Variants in RNGTT observed in about 807,000 individuals in gnomAD.
RNGTT encodes RNA guanylyltransferase and 5'-phosphatase, also known as mRNA-capping enzyme.
RNGTT carries 33 observed loss-of-function variants against 79.3 expected under a neutral mutation model. The ratio of observed to expected loss-of-function variants is 0.42; its 90% CI spans 0.32 to 0.56. The LOEUF (loss-of-function observed/expected upper bound fraction) is 0.56, where lower values mean the gene tolerates loss of function less well. Ranked by LOEUF, RNGTT falls within the 20% of genes least tolerant of loss-of-function variation. The probability of loss-of-function intolerance (pLI) is 0.17; values close to 1 mark genes in which losing one functional copy is unlikely to be tolerated. For missense variants in RNGTT, 497 were observed against 739.1 expected (o/e 0.67, Z 3.80); for synonymous variants, 222 against 235.9 (o/e 0.94, Z 0.54).
At chr6:88,839,774 A>T (rs890456463) in intron 11 of RNGTT, among the ~76,000 whole-genome samples, 7 of 152,314 alleles carry the variant, frequency 4.6e-5, no homozygotes, top group Non-Finnish European at 1.0e-4. Flanking sequence ...TAGTCTGTTC[A>T]AATAATTCTT....
At chr6:88,850,326 T>C (rs1226854584) in intron 9 of RNGTT, among the ~76,000 whole-genome samples, 1 of 151,940 alleles carries the variant, frequency 6.6e-6, no homozygotes, top group African/African-American at 2.4e-5. Flanking sequence ...TTACTAGGCT[T>C]TGTTCAAAGG....
intron 14 of RNGTT, among the ~76,000 whole-genome samples, chr6:88,615,549 T>C (rs1216955821): frequency 6.6e-6 from 1 of 152,176 alleles, no homozygotes; most frequent in East Asian, 1.9e-4. Flanking sequence ...TCCTCAAATA[T>C]TCATTATTTT....
At chr6:88,850,734 A>G (rs1781644164) in intron 9 of RNGTT, among the ~76,000 whole-genome samples, 1 of 152,024 alleles carries the variant, frequency 6.6e-6, no homozygotes, top group Admixed American at 6.6e-5. Context: ...GTACATGACC[A>G]TTAGCTGCAT....
At chr6:88,860,593 G>A (rs1781981657) in intron 8 of RNGTT, among the ~76,000 whole-genome samples, 1 of 152,086 alleles carries the variant, frequency 6.6e-6, no homozygotes, top group African/African-American at 2.4e-5. Flanking sequence ...CCTTGCTGCT[G>A]GCTTCCCTTG....
intron 13 of RNGTT, among the ~76,000 whole-genome samples, chr6:88,695,494 G>A (rs1423160415): frequency 2.0e-5 from 3 of 152,018 alleles, no homozygotes; most frequent in African/African-American, 7.2e-5. Flanking sequence ...TTTTCAAAAT[G>A]ACAAAAGATA....
chr6:88,636,083 G>A (rs1335731594), intron 14 of RNGTT, among the ~76,000 whole-genome samples: 1 of 152,018 alleles, frequency 6.6e-6, no homozygotes, highest in Non-Finnish European at 1.5e-5. Context: ...CCACCTGGGA[G>A]TGCATTTATA....
chr6:88,647,387 G>T (rs1424862879), intron 14 of RNGTT, among the ~76,000 whole-genome samples: 1 of 152,136 alleles, frequency 6.6e-6, no homozygotes, highest in Non-Finnish European at 1.5e-5. Flanking sequence ...CTTCAATGGG[G>T]AAAAGGGTGC....
chr6:88,678,731 C>T (rs1774979494), intron 13 of RNGTT, among the ~76,000 whole-genome samples: 1 of 152,048 alleles, frequency 6.6e-6, no homozygotes, highest in South Asian at 2.1e-4. Flanking sequence ...TTGTAGTGTG[C>T]TATGACTGCA....
intron 4 of RNGTT, among the ~76,000 whole-genome samples, chr6:88,908,653 A>T (rs1388756127): frequency 6.6e-6 from 1 of 152,190 alleles, no homozygotes; most frequent in Non-Finnish European, 1.5e-5. Flanking sequence ...ACAAGATTCT[A>T]GCCATGAGCC....
chr6:88,927,076 T>C (rs1784343431), intron 4 of RNGTT, among the ~76,000 whole-genome samples: 1 of 151,968 alleles, frequency 6.6e-6, no homozygotes, highest in South Asian at 2.1e-4. Flanking sequence ...AAAAATTTGA[T>C]GAAAAAAAGT....
chr6:88,740,587 A>G (rs1425919511), intron 13 of RNGTT, among the ~76,000 whole-genome samples: 1 of 152,130 alleles, frequency 6.6e-6, no homozygotes, highest in African/African-American at 2.4e-5. Flanking sequence ...AGCCATAAAA[A>G]TGAATGAGAT....
In RNGTT at chr6:88,683,848, C is replaced by A. The variant is rs1775179730; in HGVS notation, c.1440-5429G>T. ...TGGGCAACATAGCAAGACTTCGTCT[C>A]TACAAAAAGTATAAAAAGTAGCTGG... On this transcript the variant is annotated intron_variant, in intron 13 of 15. Coordinates refer to ENST00000369485, the MANE Select transcript of RNGTT (RefSeq NM_003800.5). 2.6e-5 allele frequency among the ~76,000 whole-genome samples: 4 copies of A among 151,954 alleles called. No individual in the cohort carries two copies. The South Asian group carries it at 8.3e-4, about 32-fold the overall frequency.
intron 14 of RNGTT, among the ~76,000 whole-genome samples, chr6:88,677,707 C>T (rs1375587084): frequency 6.6e-6 from 1 of 152,070 alleles, no homozygotes; most frequent in Non-Finnish European, 1.5e-5. Context: ...AAGCAATCTT[C>T]CAGCCCTGAC....
chr6:88,902,820 C>T (rs1236138402), intron 6 of RNGTT, among the ~76,000 whole-genome samples: 1 of 151,350 alleles, frequency 6.6e-6, no homozygotes, highest in Non-Finnish European at 1.5e-5. Context: ...CTCGGCCTCC[C>T]GAGTAGCTGG....
chr6:88,941,655 T>C (rs1043297868), intron 1 of RNGTT, among the ~76,000 whole-genome samples: 1 of 151,244 alleles, frequency 6.6e-6, no homozygotes, highest in Admixed American at 6.6e-5. Context: ...TCAAAGATAC[T>C]ACCCTACATC....
chr6:88,782,652 C>G (rs1363645174), intron 12 of RNGTT, among the ~76,000 whole-genome samples: 2 of 152,054 alleles, frequency 1.3e-5, no homozygotes, highest in Non-Finnish European at 2.9e-5. Flanking sequence ...AACTATACAT[C>G]CACAGGGGTT....
In RNGTT at chr6:88,844,469, C is replaced by T. The variant is rs1375859696; in HGVS notation, c.1157G>A (p.Arg386Gln). 3.7e-6 allele frequency: 6 copies of T among 1,613,760 alleles called. No homozygotes were observed. Among genetic ancestry groups the T allele is most frequent in the African/African-American group, 1.3e-5 (1 of 74,900 alleles). ...TTCGTGTCGAGGACTTATAATTTCT[C>T]GTTCTATACACTGCAGACGAACATT... The part of the protein sequence containing the change: ...DFNVRLQCIE[R>Q]EIISPRHEKM... Residue 386 changes from arginine to glutamine, a missense_variant, in exon 11 of 16, where the codon CGA becomes CAA. Physicochemically the swap from Arg to Gln is conservative, Grantham distance 43. Around this residue, in one of 3 missense-constraint regions of RNGTT, gnomAD observed 440 missense variants for 671.5 expected, o/e 0.66. Transcript: ENST00000369485.
intron 2 of RNGTT, among the ~76,000 whole-genome samples, chr6:88,933,503 T>TA (rs1784572394): frequency 6.6e-6 from 1 of 151,942 alleles, no homozygotes; most frequent in African/African-American, 2.4e-5. Flanking sequence ...TTTTAAGAGA[T>TA]AGAGTCTCAC....
In RNGTT at chr6:88,739,632, T is replaced by G. The variant is rs1022664680; in HGVS notation, c.1439+30142A>C. Among the ~76,000 whole-genome samples, 13 of 150,698 alleles carry G rather than the reference T, an allele frequency of 8.6e-5. No individual in the cohort carries two copies. In the South Asian group the frequency reaches 2.1e-3, roughly 24 times the overall value. On this transcript the variant is annotated intron_variant, in intron 13 of 15. Coordinates refer to ENST00000369485, the MANE Select transcript of RNGTT (RefSeq NM_003800.5). ...ACATACAGAACAGATTGAAAATACTTTAAAATGTTAAAAATGTTTATAATT... is the reference window on the plus strand; with the variant it reads ...ACATACAGAACAGATTGAAAATACTGTAAAATGTTAAAAATGTTTATAATT...
Sources: gnomAD v4.1 joint callset for allele counts (sites outside exome capture counted in the v4.1 genomes callset) on GRCh38, gnomAD v4.1.1 for gene constraint, gnomAD v4.1.1 regional missense constraint, MANE v1.5 for transcripts, NCBI Gene and HGNC (gene_info 2026-07-23, HGNC 2026-07-21) for gene names.